DNAH9: variants seen among roughly 807,000 people sequenced by gnomAD.
The protein encoded by DNAH9 is dynein axonemal heavy chain 9.
A neutral mutation model predicts 471.6 loss-of-function variants in DNAH9; 345 were observed. That is an observed-to-expected ratio of 0.73 (90% CI 0.67 to 0.80). The LOEUF (loss-of-function observed/expected upper bound fraction) is 0.80, where lower values mean the gene tolerates loss of function less well. Ranked by LOEUF, DNAH9 falls within the 30% of genes least tolerant of loss-of-function variation. The probability of loss-of-function intolerance (pLI) is 0.00; values close to 1 mark genes in which losing one functional copy is unlikely to be tolerated. For missense variants in DNAH9, 5,407 were observed against 5,609.2 expected, an observed-to-expected ratio of 0.96 and a Z score of 1.15; for synonymous variants, 2,093 against 2,123.6, an observed-to-expected ratio of 0.99 and a Z score of 0.40.
chr17:11,616,402 C>T (rs1452403826), intron 4 of DNAH9, among the ~76,000 whole-genome samples: 1 of 152,156 alleles, frequency 6.6e-6, no homozygotes, highest in Non-Finnish European at 1.5e-5. Context: ...TATGATACCA[C>T]CTGATTATCT....
chr17:11,951,938 AATT>A (rs1391501586), intron 67 of DNAH9, among the ~76,000 whole-genome samples: 2 of 151,732 alleles, frequency 1.3e-5, no homozygotes, highest in African/African-American at 2.4e-5. Context: ...AAAAAAAAAA[AATT>A]AATTAAAAAT....
intron 27 of DNAH9, among the ~76,000 whole-genome samples, chr17:11,722,231 A>G (rs1426431754): frequency 2.0e-5 from 3 of 152,202 alleles, no homozygotes; most frequent in African/African-American, 7.2e-5. Context: ...AACAAGGGCT[A>G]AGCTACCTTA....
intron 38 of DNAH9, among the ~76,000 whole-genome samples, chr17:11,772,532 G>A (rs1487699566): frequency 1.3e-5 from 2 of 152,118 alleles, no homozygotes; most frequent in Admixed American, 1.3e-4. Context: ...GTGTAATCTT[G>A]GTTCATTGTA....
intron 33 of DNAH9, 73 bp from the exon 34 acceptor site, chr17:11,756,495 C>T (rs1967392170): frequency 9.4e-6 from 8 of 851,370 alleles, no homozygotes; most frequent in Non-Finnish European, 1.6e-5. Context: ...CAATAATAAT[C>T]AGCCAAATCC....
intron 67 of DNAH9, among the ~76,000 whole-genome samples, chr17:11,945,016 A>G (rs1975061289): frequency 2.6e-5 from 4 of 152,212 alleles, no homozygotes; most frequent in Admixed American, 2.6e-4. Flanking sequence ...GAGGCAAAAC[A>G]GGTGACTTGG....
chr17:11,696,247 G>T (rs2074474863), intron 22 of DNAH9, among the ~76,000 whole-genome samples: 1 of 152,066 alleles, frequency 6.6e-6, no homozygotes. Context: ...CTACCTGTTT[G>T]CACTTTGCTT....
chr17:11,727,644 G>T (rs1173439180), intron 27 of DNAH9, among the ~76,000 whole-genome samples, 174 bp from the exon 28 acceptor site: 1 of 152,136 alleles, frequency 6.6e-6, no homozygotes, highest in East Asian at 1.9e-4. Flanking sequence ...GACTTCTGTT[G>T]ACACCCCATA....
At chr17:11,867,690 A>G (rs915606879) in intron 50 of DNAH9, among the ~76,000 whole-genome samples, 4 of 152,160 alleles carry the variant, frequency 2.6e-5, no homozygotes, top group Non-Finnish European at 4.4e-5. Context: ...CATGTTTACA[A>G]GAGTAGCGAT....
intron 10 of DNAH9, 126 bp downstream of exon 10, chr17:11,640,510 C>T (rs2073251496): frequency 1.3e-6 from 1 of 749,488 alleles, no homozygotes; most frequent in African/African-American, 1.7e-5. Flanking sequence ...CTTTCCATTT[C>T]CAGCAAGGGA....
chr17:11,959,430 A>G (rs1975893224), intron 67 of DNAH9, among the ~76,000 whole-genome samples: 1 of 152,204 alleles, frequency 6.6e-6, no homozygotes, highest in African/African-American at 2.4e-5. Context: ...TAAGCTATAC[A>G]TTGCATGTAG....
intron 36 of DNAH9, among the ~76,000 whole-genome samples, chr17:11,766,623 G>C (rs1331866009): frequency 6.6e-6 from 1 of 152,200 alleles, no homozygotes; most frequent in Non-Finnish European, 1.5e-5. Flanking sequence ...GGGACATGGG[G>C]ACTTCAGAAG....
intron 68 of DNAH9, among the ~76,000 whole-genome samples, chr17:11,964,270 C>T (rs1409732540): frequency 6.6e-6 from 1 of 152,080 alleles, no homozygotes; most frequent in Non-Finnish European, 1.5e-5. Context: ...TATAAGGTGG[C>T]CTAGAGCAAG....
In DNAH9 at chr17:11,834,767, G is replaced by A. The variant is rs529968886; in HGVS notation, c.9376G>A (p.Asp3126Asn). The change falls in exon 49 of 69, where the codon GAT (aspartate) becomes AAT (asparagine). Residue 3126 changes from aspartate (D) to asparagine (N), a missense_variant. Physicochemically the swap from Asp to Asn is conservative, Grantham distance 23. Coordinates refer to ENST00000262442, the MANE Select transcript of DNAH9 (RefSeq NM_001372.4). ...AGTGAGCAGAGAGAAAGCCATGGCA[G>A]ATGAAGAGGAGCAGAAGGTGGCCGT... ...DKVSREKAMA[D>N]EEEQKVAVIM... The A allele has an allele frequency of 1.7e-5, 28 of 1,614,140 alleles. No homozygotes were observed. In the South Asian group the frequency reaches 3.1e-4, roughly 18 times the overall value.
chr17:11,668,183 G>C (rs1567704470), intron 15 of DNAH9, among the ~76,000 whole-genome samples: 1 of 152,126 alleles, frequency 6.6e-6, no homozygotes, highest in Non-Finnish European at 1.5e-5. Context: ...ATCACTACAG[G>C]ACCACAGCAA....
At chr17:11,602,011 TA>T (rs1307315859) in intron 1 of DNAH9, among the ~76,000 whole-genome samples, 7 of 152,170 alleles carry the variant, frequency 4.6e-5, no homozygotes, top group African/African-American at 1.7e-4. Flanking sequence ...AAGGAAGAAT[TA>T]ACAGAATTTA....
chr17:11,765,257 A>G (rs1967886452), intron 36 of DNAH9, among the ~76,000 whole-genome samples: 1 of 152,218 alleles, frequency 6.6e-6, no homozygotes, highest in African/African-American at 2.4e-5. Context: ...TGTAGCACGT[A>G]TCTGGTGTCT....
intron 50 of DNAH9, among the ~76,000 whole-genome samples, chr17:11,859,100 A>AAG (rs1971732863): frequency 6.7e-6 from 1 of 150,370 alleles, no homozygotes; most frequent in Non-Finnish European, 1.5e-5. Flanking sequence ...AAAAAAAAAA[A>AAG]AAAAAGAGTA....
At chr17:11,756,359 A>G (rs558752247) in intron 33 of DNAH9, among the ~76,000 whole-genome samples, 9 of 152,178 alleles carry the variant, frequency 5.9e-5, no homozygotes, top group South Asian at 2.1e-4. Context: ...CCATGATTCA[A>G]TTGTCTCCCA....
chr17:11,872,153 G>A (rs546625101), intron 52 of DNAH9, among the ~76,000 whole-genome samples: 1 of 152,260 alleles, frequency 6.6e-6, no homozygotes, highest in African/African-American at 2.4e-5. Context: ...GAGCAGTCAG[G>A]GGACGTTCCA....
Sources: allele counts gnomAD v4.1 joint callset (sites outside exome capture counted in the v4.1 genomes callset), GRCh38; gene constraint gnomAD v4.1.1; transcripts MANE v1.5; gene names NCBI Gene and HGNC (gene_info 2026-07-23, HGNC 2026-07-21).